Variants in OR4D5 observed in about 807,000 individuals in gnomAD.
The protein encoded by OR4D5 is olfactory receptor 4D5.
For missense variants in OR4D5, 390 were observed against 387.6 expected (o/e 1.01, Z -0.05); for synonymous variants, 165 against 154.0 (o/e 1.07, Z -0.53).
Position 123,940,014 on chromosome 11 carries a change from C to A in OR4D5, c.398C>A (p.Thr133Lys). ...YIAISQPLHY[T>K]LIMNQTVCAL... is the part of the protein sequence containing the mutation. ...GCCATTTCCCAGCCCCTGCACTACA[C>A]GCTCATTATGAATCAGACTGTCTGT... The change falls in exon 1 of 1, where the codon ACG (threonine) becomes AAG (lysine). Residue 133 changes from threonine (T) to lysine (K), a missense_variant. Thr to Lys is a moderately conservative substitution (Grantham distance 78). Transcript: ENST00000307033. 2 of 1,613,306 alleles carry A rather than the reference C, an allele frequency of 1.2e-6. No homozygotes were observed. Among genetic ancestry groups the A allele is most frequent in the Admixed American group, 1.7e-5 (1 of 60,000 alleles).
In OR4D5 at chr11:123,939,997, C is replaced by T. The variant is rs267602748; in HGVS notation, c.381C>T (p.Ser127=). 1 of 1,613,066 alleles carries T rather than the reference C, an allele frequency of 6.2e-7. No individual in the cohort carries two copies. Among genetic ancestry groups the T allele is most frequent in the Non-Finnish European group, 8.5e-7 (1 of 1,179,488 alleles). Reference sequence around the variant, plus strand: ...CGTATGACCGCTACATTGCCATTTCCCAGCCCCTGCACTACACGCTCATTA... The same window carrying T: ...CGTATGACCGCTACATTGCCATTTCTCAGCCCCTGCACTACACGCTCATTA... ...VMAYDRYIAI[S]QPLHYTLIMN... The change falls in exon 1 of 1, where the codon TCC becomes TCT. Residue 127 remains serine, a synonymous_variant. Transcript: ENST00000307033.
rs748598753 is a variant in OR4D5 at position 123,940,299 on chromosome 11, A to G, written c.683A>G (p.His228Arg). The change falls in exon 1 of 1, where the codon CAC (histidine) becomes CGC (arginine). Residue 228 changes from histidine to arginine, a missense_variant. His to Arg is a conservative substitution (Grantham distance 29, BLOSUM62 0). Transcript: ENST00000307033. ...YTALLVMLRSHSREGRSKALS... is the reference protein window; with the variant it reads ...YTALLVMLRSRSREGRSKALS... ...GCACTGCTAGTCATGCTCCGAAGCCACTCACGGGAGGGCCGCAGCAAGGCC... is the reference window on the plus strand; with the variant it reads ...GCACTGCTAGTCATGCTCCGAAGCCGCTCACGGGAGGGCCGCAGCAAGGCC... The G allele has an allele frequency of 9.9e-6, 16 of 1,614,078 alleles. No individual in the cohort carries two copies. The highest frequency in any genetic ancestry group is 2.2e-5 in the East Asian group (1 of 44,870).
rs577381610 is a variant in OR4D5 at position 123,940,286 on chromosome 11, A to C, written c.670A>C (p.Met224Leu). Residue 224 changes from methionine to leucine, a missense_variant, in exon 1 of 1, where the codon ATG becomes CTG. Transcript: ENST00000307033. ...LLGSYTALLV[M>L]LRSHSREGRS... ...GGGATCGTACACAGCACTGCTAGTC[A>C]TGCTCCGAAGCCACTCACGGGAGGG... 1 of 1,614,040 alleles carries C rather than the reference A, an allele frequency of 6.2e-7. No homozygotes were observed. Among genetic ancestry groups the C allele is most frequent in the African/African-American group, 1.3e-5 (1 of 74,898 alleles).
rs147588939 is a variant in OR4D5, at chr11:123,940,359, C to T, written c.743C>T (p.Thr248Ile). The T allele has an allele frequency of 7.9e-5, 127 of 1,614,134 alleles. No homozygotes were observed. In the African/African-American group the frequency reaches 1.5e-3, roughly 19 times the overall value. The change falls in exon 1 of 1, where the codon ACC becomes ATC. Residue 248 changes from threonine (T) to isoleucine (I), a missense_variant. Transcript: ENST00000307033. The part of the protein sequence containing the change: ...STCASHIAVV[T>I]LIFVPCIYVY... ...TGTGCCTCTCACATTGCTGTGGTGA[C>T]CTTAATCTTTGTGCCTTGCATCTAC... is the stretch of plus-strand genomic sequence containing the variant.
In OR4D5 at chr11:123,940,352, G is replaced by A; in HGVS notation, c.736G>A (p.Val246Met). The A allele has an allele frequency of 6.2e-7, 1 of 1,614,190 alleles. No individual in the cohort carries two copies. The highest frequency in any genetic ancestry group is 1.6e-4 in the Middle Eastern group (1 of 6,062). ...ALSTCASHIA[V>M]VTLIFVPCIY... ...GTCTACCTGTGCCTCTCACATTGCT[G>A]TGGTGACCTTAATCTTTGTGCCTTG... The change falls in exon 1 of 1, where the codon GTG (valine) becomes ATG (methionine). Residue 246 changes from valine to methionine, a missense_variant. Transcript: ENST00000307033.
rs1427015362 is a variant in OR4D5, at chr11:123,940,474, C to A, written c.858C>A (p.Ile286=). ...TIVTPMLNPA[I]YTLRNKEVIM... Reference sequence around the variant, plus strand: ...TCACCCCCATGCTGAATCCTGCCATCTATACCCTGAGAAACAAGGAAGTGA... The same window carrying A: ...TCACCCCCATGCTGAATCCTGCCATATATACCCTGAGAAACAAGGAAGTGA... The change falls in exon 1 of 1, where the codon ATC becomes ATA. Residue 286 remains isoleucine, a synonymous_variant. Transcript: ENST00000307033. 1.9e-6 allele frequency: 3 copies of A among 1,614,012 alleles called. No individual in the cohort carries two copies. The South Asian group carries it at 3.3e-5, about 18-fold the overall frequency.
At position 123,940,234 on chromosome 11, in the gene OR4D5, G is replaced by T; in HGVS notation, c.618G>T (p.Val206=). 1.9e-6 allele frequency: 3 copies of T among 1,614,148 alleles called. No homozygotes were observed. Among genetic ancestry groups the T allele is most frequent in the South Asian group, 2.2e-5 (2 of 91,072 alleles). ...ELLMVSNNGL[V]TLMCFLVLLG... ...TAATGGTGTCTAACAATGGCCTGGT[G>T]ACCCTGATGTGTTTTCTGGTGCTTC... The change falls in exon 1 of 1, where the codon GTG becomes GTT. Residue 206 remains valine (V), a synonymous_variant. Coordinates refer to ENST00000307033, the MANE Select transcript of OR4D5 (RefSeq NM_001001965.1).
rs184214385 is a variant in OR4D5 at position 123,939,769 on chromosome 11, C to T, written c.153C>T (p.Ser51=). The T allele has an allele frequency of 1.7e-4, 279 of 1,613,842 alleles. 3 individuals carry two copies. In the East Asian group the frequency reaches 4.5e-3, roughly 26 times the overall value. Residue 51 remains serine, a synonymous_variant, in exon 1 of 1, where the codon TCC becomes TCT. Coordinates refer to ENST00000307033, the MANE Select transcript of OR4D5 (RefSeq NM_001001965.1). The stretch of plus-strand genomic sequence containing the variant: ...TTCTTATTGTGGTCATAGTGACCTC[C>T]GACCCACACCTGCACACAACCATGT... ...GNLLIVVIVT[S]DPHLHTTMYF... is the part of the protein sequence containing the mutation.
Position 123,939,894 on chromosome 11 carries a change from C to A in OR4D5, c.278C>A (p.Ser93Tyr), listed in dbSNP as rs1404517786. ...TTGCTCTCAGGCAACCCTACCATTT[C>A]CTTTGGTGGATGCCTGACTCAACTC... The part of the protein sequence containing the change: ...VDLLSGNPTI[S>Y]FGGCLTQLFF... Residue 93 changes from serine (S) to tyrosine (Y), a missense_variant, in exon 1 of 1, where the codon TCC (serine) becomes TAC (tyrosine). Ser to Tyr is a moderately radical substitution (Grantham distance 144, BLOSUM62 -2). Coordinates refer to ENST00000307033, the MANE Select transcript of OR4D5 (RefSeq NM_001001965.1). 1 of 1,612,728 alleles carries A rather than the reference C, an allele frequency of 6.2e-7. No homozygotes were observed. Among genetic ancestry groups the A allele is most frequent in the Non-Finnish European group, 8.5e-7 (1 of 1,179,368 alleles).
rs754700043 is a variant in OR4D5, at chr11:123,939,959, C to T, written c.343C>T (p.Leu115=). Residue 115 remains leucine, a synonymous_variant, in exon 1 of 1, where the codon CTG becomes TTG. Coordinates refer to ENST00000307033, the MANE Select transcript of OR4D5 (RefSeq NM_001001965.1). ...HFIGGIKIFL[L]TVMAYDRYIA... ...CATTGGAGGCATCAAGATCTTCCTG[C>T]TGACTGTCATGGCGTATGACCGCTA... The T allele has an allele frequency of 3.7e-6, 6 of 1,613,588 alleles. No individual in the cohort carries two copies. In the South Asian group the frequency reaches 4.4e-5, roughly 12 times the overall value.
Position 123,939,701 on chromosome 11 carries a change from ACT to A in OR4D5, c.86_87del (p.Thr29SerfsTer51). On this transcript the variant is annotated frameshift_variant, in exon 1 of 1. Transcript: ENST00000307033. LOFTEE classifies it low-confidence loss of function (END_TRUNC). The part of the protein sequence containing the change: ...QVWELRFVFF[T>X]VFSAVYFMTV... ...TTGGGAGCTTCGGTTTGTTTTCTTC[ACT>A]GTTTTCTCTGCTGTGTATTTTATGA... The A allele has an allele frequency of 6.2e-7, 1 of 1,613,104 alleles. No individual in the cohort carries two copies. The highest frequency in any genetic ancestry group is 8.5e-7 in the Non-Finnish European group (1 of 1,179,616).
Position 123,939,848 on chromosome 11 carries a change from G to C in OR4D5, c.232G>C (p.Ala78Pro), listed in dbSNP as rs773011853. The C allele has an allele frequency of 6.2e-7, 1 of 1,609,482 alleles. No individual in the cohort carries two copies. The highest frequency in any genetic ancestry group is 1.1e-5 in the South Asian group (1 of 90,172). Residue 78 changes from alanine to proline, a missense_variant, in exon 1 of 1, where the codon GCA becomes CCA. Transcript: ENST00000307033. ...FLDFCYSSIT[A>P]PRMLVDLLSG... The stretch of plus-strand genomic sequence containing the variant: ...GGACTTTTGCTACTCTTCCATCACA[G>C]CACCTAGGATGCTGGTTGACTTGCT...
In OR4D5 at chr11:123,939,959, C is replaced by G. The variant is rs754700043; in HGVS notation, c.343C>G (p.Leu115Val). 1.1e-5 allele frequency: 18 copies of G among 1,613,470 alleles called. No individual in the cohort carries two copies. Among genetic ancestry groups the G allele is most frequent in the Non-Finnish European group, 1.5e-5 (18 of 1,179,764 alleles). ...CATTGGAGGCATCAAGATCTTCCTGCTGACTGTCATGGCGTATGACCGCTA... is the reference window on the plus strand; with the variant it reads ...CATTGGAGGCATCAAGATCTTCCTGGTGACTGTCATGGCGTATGACCGCTA... ...HFIGGIKIFLLTVMAYDRYIA... is the reference protein window; with the variant it reads ...HFIGGIKIFLVTVMAYDRYIA... The change falls in exon 1 of 1, where the codon CTG becomes GTG. Residue 115 changes from leucine (L) to valine (V), a missense_variant. Transcript: ENST00000307033.
rs370957616 is a variant in OR4D5 at position 123,939,981 on chromosome 11, G to T, written c.365G>T (p.Arg122Leu). The T allele has an allele frequency of 6.2e-7, 1 of 1,612,932 alleles. No individual in the cohort carries two copies. Residue 122 changes from arginine to leucine, a missense_variant, in exon 1 of 1, where the codon CGC (arginine) becomes CTC (leucine). Arg to Leu is a moderately radical substitution (Grantham distance 102). Transcript: ENST00000307033. ...CTGCTGACTGTCATGGCGTATGACC[G>T]CTACATTGCCATTTCCCAGCCCCTG... ...IFLLTVMAYD[R>L]YIAISQPLHY...
rs1425400792 is a variant in OR4D5 at position 123,939,957 on chromosome 11, T to C, written c.341T>C (p.Leu114Pro). The C allele has an allele frequency of 6.2e-7, 1 of 1,613,730 alleles. No homozygotes were observed. Among genetic ancestry groups the C allele is most frequent in the South Asian group, 1.1e-5 (1 of 91,014 alleles). Residue 114 changes from leucine to proline, a missense_variant, in exon 1 of 1, where the codon CTG (leucine) becomes CCG (proline). Coordinates refer to ENST00000307033, the MANE Select transcript of OR4D5 (RefSeq NM_001001965.1). ...TTCATTGGAGGCATCAAGATCTTCC[T>C]GCTGACTGTCATGGCGTATGACCGC... ...FHFIGGIKIF[L>P]LTVMAYDRYI...
rs756942273 is a variant in OR4D5, at chr11:123,940,158, T to C, written c.542T>C (p.Val181Ala). The change falls in exon 1 of 1, where the codon GTG becomes GCG. Residue 181 changes from valine to alanine, a missense_variant. Transcript: ENST00000307033. ...PDKLDNFYCDVPQLIKLACTD... is the reference protein window; with the variant it reads ...PDKLDNFYCDAPQLIKLACTD... ...AAGCTGGACAACTTTTATTGTGATGTGCCTCAGCTGATCAAATTGGCCTGC... is the reference window on the plus strand; with the variant it reads ...AAGCTGGACAACTTTTATTGTGATGCGCCTCAGCTGATCAAATTGGCCTGC... The C allele has an allele frequency of 6.2e-7, 1 of 1,614,216 alleles. No individual in the cohort carries two copies. Among genetic ancestry groups the C allele is most frequent in the East Asian group, 2.2e-5 (1 of 44,880 alleles).
At position 123,939,627 on chromosome 11, in the gene OR4D5, C is replaced by G. The variant is rs1682458458; in HGVS notation, c.11C>G (p.Ala4Gly). 1.9e-6 allele frequency: 3 copies of G among 1,569,862 alleles called. No homozygotes were observed. Among genetic ancestry groups the G allele is most frequent in the Admixed American group, 3.8e-5 (2 of 53,218 alleles). The stretch of plus-strand genomic sequence containing the variant: ...GGTCATACCAACCAGATGAATCCAG[C>G]AAATCATTCCCAGGTGGCAGGATTT... MNP[A>G]NHSQVAGFVL... The change falls in exon 1 of 1, where the codon GCA becomes GGA. Residue 4 changes from alanine (A) to glycine (G), a missense_variant. Coordinates refer to ENST00000307033, the MANE Select transcript of OR4D5 (RefSeq NM_001001965.1).
In OR4D5 at chr11:123,940,471, C is replaced by T. The variant is rs1472901756; in HGVS notation, c.855C>T (p.Ala285=). The T allele has an allele frequency of 6.2e-7, 1 of 1,614,110 alleles. No homozygotes were observed. Among genetic ancestry groups the T allele is most frequent in the South Asian group, 1.1e-5 (1 of 91,078 alleles). Residue 285 remains alanine, a synonymous_variant, in exon 1 of 1, where the codon GCC becomes GCT. Coordinates refer to ENST00000307033, the MANE Select transcript of OR4D5 (RefSeq NM_001001965.1). The part of the protein sequence containing the change: ...YTIVTPMLNP[A]IYTLRNKEVI... ...TTGTCACCCCCATGCTGAATCCTGC[C>T]ATCTATACCCTGAGAAACAAGGAAG... is the stretch of plus-strand genomic sequence containing the variant.
At position 123,940,216 on chromosome 11, in the gene OR4D5, G is replaced by A; in HGVS notation, c.600G>A (p.Val200=). The A allele has an allele frequency of 6.2e-7, 1 of 1,614,168 alleles. No individual in the cohort carries two copies. Among genetic ancestry groups the A allele is most frequent in the East Asian group, 2.2e-5 (1 of 44,874 alleles). ...TDTFVLELLM[V]SNNGLVTLMC... is the part of the protein sequence containing the mutation. ...CCTTTGTCTTAGAGCTTTTAATGGT[G>A]TCTAACAATGGCCTGGTGACCCTGA... The change falls in exon 1 of 1, where the codon GTG becomes GTA. Residue 200 remains valine (V), a synonymous_variant. Transcript: ENST00000307033.
Sources: allele counts gnomAD v4.1 joint callset, GRCh38; gene constraint gnomAD v4.1.1; transcripts MANE v1.5; gene names NCBI Gene and HGNC (gene_info 2026-07-23, HGNC 2026-07-21).